CUBN: variants seen among roughly 807,000 people sequenced by gnomAD.
CUBN encodes 460 kDa receptor.
A neutral mutation model predicts 405.3 loss-of-function variants in CUBN; 282 were observed. That is an observed-to-expected ratio of 0.70 (90% CI 0.63 to 0.77). The LOEUF is 0.77. Among genes scored for constraint, CUBN ranks in the 30% least tolerant of loss-of-function variants. CUBN has a pLI of 0.00. For missense variants in CUBN, 4,514 were observed against 4,475.2 expected (o/e 1.01, Z -0.25); for synonymous variants, 1,684 against 1,617.0 (o/e 1.04, Z -0.99).
At chr10:16,937,386 T>C (rs1210580415) in intron 39 of CUBN, among the ~76,000 whole-genome samples, 7 of 152,120 alleles carry the variant, frequency 4.6e-5, no homozygotes, top group Admixed American at 4.6e-4. Flanking sequence ...ATAAAAAATA[T>C]AATGGGACCT....
At chr10:16,980,235 C>T (rs1564459381) in intron 31 of CUBN, among the ~76,000 whole-genome samples, 1 of 152,142 alleles carries the variant, frequency 6.6e-6, no homozygotes, top group Admixed American at 6.5e-5. Context: ...CGTTTTTACT[C>T]GTTGGTGGGA....
chr10:16,836,428 G>A, intron 62 of CUBN, 46 bp from the exon 63 acceptor site: 1 of 1,561,426 alleles, frequency 6.4e-7, no homozygotes, highest in Non-Finnish European at 8.8e-7. Flanking sequence ...AGTCTTAGAA[G>A]AGAACAGGCC....
intron 27 of CUBN, among the ~76,000 whole-genome samples, chr10:17,039,010 T>C (rs1379704991): frequency 4.6e-5 from 7 of 152,198 alleles, no homozygotes; most frequent in Non-Finnish European, 1.0e-4. Context: ...CACCTTTTTG[T>C]TGCCATTTCA....
At chr10:16,851,909 T>C (rs1190815711) in intron 59 of CUBN, among the ~76,000 whole-genome samples, 4 of 116,508 alleles carry the variant, frequency 3.4e-5, no homozygotes, top group East Asian at 3.0e-4. Context: ...TCCCTGACTC[T>C]ATCTTTCCCT....
Position 17,088,444 on chromosome 10 carries a change from A to C in CUBN, c.1766-99T>G. ...GCGTAAGAAGCCAAACTTTGTTTAA[A>C]TAACTATGAGCAGTTTTAGACACCC... On this transcript the variant is annotated intron_variant, in intron 14 of 66. Coordinates refer to ENST00000377833, the MANE Select transcript of CUBN (RefSeq NM_001081.4). The C allele has an allele frequency of 5.2e-6, 5 of 955,936 alleles. No homozygotes were observed. The South Asian group carries it at 5.7e-5, about 11-fold the overall frequency. 59.2% of individuals were successfully genotyped at this position (955,936 alleles called of 1,614,324 possible). A position where few individuals can be genotyped will look rare whatever the true frequency, so the allele number is the denominator to read the frequency against.
At chr10:17,009,201 G>A (rs1425865427) in intron 28 of CUBN, among the ~76,000 whole-genome samples, 1 of 152,224 alleles carries the variant, frequency 6.6e-6, no homozygotes, top group Non-Finnish European at 1.5e-5. Context: ...ATTGTGAGCA[G>A]CACAGAGTTA....
intron 22 of CUBN, among the ~76,000 whole-genome samples, chr10:17,056,659 C>T (rs972853975): frequency 1.2e-4 from 18 of 151,894 alleles, no homozygotes; most frequent in African/African-American, 3.4e-4. Context: ...CTGATAACTT[C>T]GGTAGTGAAA....
At chr10:17,105,688 G>C in intron 10 of CUBN, 113 bp from the exon 11 acceptor site, 1 of 702,184 alleles carries the variant, frequency 1.4e-6, no homozygotes, top group Non-Finnish European at 2.6e-6. Context: ...TCCAGTCTGT[G>C]TATTTTGACG....
chr10:16,989,341 TATA>T (rs1260548366), intron 29 of CUBN, among the ~76,000 whole-genome samples: 3 of 148,634 alleles, frequency 2.0e-5, no homozygotes, highest in Admixed American at 1.4e-4. Context: ...AAATATATAA[TATA>T]ATAATCTGTT....
At chr10:16,947,163 C>T (rs1282105990) in intron 36 of CUBN, 72 bp downstream of exon 36, 4 of 1,508,040 alleles carry the variant, frequency 2.7e-6, no homozygotes, top group Non-Finnish European at 3.7e-6. Flanking sequence ...AGTTGCCCAT[C>T]CTATTAGCAC....
chr10:16,825,054 G>C lies in CUBN; in HGVS notation c.10793C>G (p.Ser3598Cys). ...AAATTTTATGAAGACCTGATTTGAGGAAGCCACGAAGGGAGCTATGCTGGT... is the reference window on the plus strand; with the variant it reads ...AAATTTTATGAAGACCTGATTTGAGCAAGCCACGAAGGGAGCTATGCTGGT... ...GDTSIAPFVASSNQVFIKFHA... is the reference protein window; with the variant it reads ...GDTSIAPFVACSNQVFIKFHA... Residue 3598 changes from serine (S) to cysteine (C), a missense_variant, in exon 67 of 67, where the codon TCC (serine) becomes TGC (cysteine). By Grantham distance (112) the Ser-to-Cys change is moderately radical. Around this residue, in one of 5 missense-constraint regions of CUBN, gnomAD observed 1,186 missense variants for 1,186.9 expected, o/e 1.00. Transcript: ENST00000377833. 6.2e-7 allele frequency: 1 copy of C among 1,613,590 alleles called. No homozygotes were observed. The highest frequency in any genetic ancestry group is 8.5e-7 in the Non-Finnish European group (1 of 1,179,776).
At chr10:17,117,691 A>G (rs537413721) in intron 6 of CUBN, among the ~76,000 whole-genome samples, 1 of 152,110 alleles carries the variant, frequency 6.6e-6, no homozygotes, top group Non-Finnish European at 1.5e-5. Flanking sequence ...CGGCCTCCCA[A>G]AGTCCTGGGA....
chr10:16,840,589 A>C, intron 61 of CUBN, 54 bp from the exon 62 acceptor site: 4 of 1,416,940 alleles, frequency 2.8e-6, no homozygotes, highest in Non-Finnish European at 3.9e-6. Context: ...GTCTCATCTC[A>C]GGCAATCTTT....
chr10:17,061,629 T>C (rs1434142135), intron 22 of CUBN, among the ~76,000 whole-genome samples: 1 of 152,098 alleles, frequency 6.6e-6, no homozygotes. Flanking sequence ...CACCCACTGA[T>C]GAGTAGGTGG....
At chr10:17,032,310 C>T in intron 27 of CUBN, among the ~76,000 whole-genome samples, 1 of 152,130 alleles carries the variant, frequency 6.6e-6, no homozygotes, top group African/African-American at 2.4e-5. Flanking sequence ...TCATTTTACA[C>T]ACGAGAGAAC....
chr10:16,963,182 C>CTTTTT (rs1176337605), intron 31 of CUBN, among the ~76,000 whole-genome samples: 55 of 90,928 alleles, frequency 6.0e-4, no homozygotes, highest in African/African-American at 2.1e-3. Context: ...TTTTTCTTTT[C>CTTTTT]TTTTCTTTTT....
chr10:16,928,011 G>T, intron 41 of CUBN, 146 bp downstream of exon 41: 2 of 868,474 alleles, frequency 2.3e-6, no homozygotes, highest in Non-Finnish European at 3.7e-6. Context: ...AGGGGAGCCA[G>T]CCATCCAGAG....
intron 56 of CUBN, among the ~76,000 whole-genome samples, chr10:16,887,572 A>G (rs1417223907): frequency 6.6e-6 from 1 of 152,254 alleles, no homozygotes; most frequent in Non-Finnish European, 1.5e-5. Flanking sequence ...ACAAGAGATA[A>G]GTTTTGGCAA....
chr10:17,034,574 G>A (rs1342019203), intron 27 of CUBN, among the ~76,000 whole-genome samples: 1 of 152,120 alleles, frequency 6.6e-6, no homozygotes, highest in Non-Finnish European at 1.5e-5. Flanking sequence ...CTTGCTCTTG[G>A]GGAATCCTCA....
Sources: gnomAD v4.1 joint callset for allele counts (sites outside exome capture counted in the v4.1 genomes callset) on GRCh38, gnomAD v4.1.1 for gene constraint, gnomAD v4.1.1 regional missense constraint, MANE v1.5 for transcripts, NCBI Gene and HGNC (gene_info 2026-07-23, HGNC 2026-07-21) for gene names.